GALM: variants seen among roughly 807,000 people sequenced by gnomAD.
GALM encodes aldose 1-epimerase.
In GALM, 43 loss-of-function variants were observed where a neutral mutation model predicts 37.4. That is an observed-to-expected ratio of 1.15 (90% CI 0.90 to 1.48). The LOEUF (loss-of-function observed/expected upper bound fraction) is 1.48, where lower values mean the gene tolerates loss of function less well. Ranked by LOEUF, GALM falls within the 40% of genes most tolerant of loss-of-function variation. GALM has a pLI of 0.00. For synonymous variants in GALM, 199 were observed against 170.6 expected, an observed-to-expected ratio of 1.17 and a Z score of -1.30; for missense variants, 456 against 419.1, an observed-to-expected ratio of 1.09 and a Z score of -0.77.
intron 4 of GALM, among the ~76,000 whole-genome samples, chr2:38,722,165 G>C (rs1164753048): frequency 6.6e-6 from 1 of 151,106 alleles, no homozygotes; most frequent in African/African-American, 2.4e-5. Flanking sequence ...TTCGAGACCA[G>C]CCTGGCCAAC....
intron 4 of GALM, among the ~76,000 whole-genome samples, chr2:38,712,576 C>A (rs540608002): frequency 6.6e-6 from 1 of 152,270 alleles, no homozygotes; most frequent in African/African-American, 2.4e-5. Context: ...GAACACACAT[C>A]CCAGAGGCGA....
intron 5 of GALM, among the ~76,000 whole-genome samples, chr2:38,730,712 G>C (rs1412934456): frequency 6.6e-6 from 1 of 151,964 alleles, no homozygotes; most frequent in Non-Finnish European, 1.5e-5. Context: ...CTTGAGGTCA[G>C]GAGTTTGAGA....
At chr2:38,683,106 G>C (rs922315302) in intron 3 of GALM, among the ~76,000 whole-genome samples, 1 of 152,088 alleles carries the variant, frequency 6.6e-6, no homozygotes, top group Non-Finnish European at 1.5e-5. Flanking sequence ...ATAATAGGGA[G>C]GGGAGATCTA....
chr2:38,674,708 G>T (rs1665198907), intron 1 of GALM, among the ~76,000 whole-genome samples: 1 of 152,078 alleles, frequency 6.6e-6, no homozygotes, highest in Non-Finnish European at 1.5e-5. Flanking sequence ...GAAAGAATAA[G>T]ATCGCTTCCC....
At chr2:38,719,135 C>G (rs923734093) in intron 4 of GALM, among the ~76,000 whole-genome samples, 1 of 151,964 alleles carries the variant, frequency 6.6e-6, no homozygotes, top group African/African-American at 2.4e-5. Context: ...TGCATGTTCT[C>G]TCCTGCACCT....
chr2:38,729,703 GTACTTTTCACT>G lies in GALM; in HGVS notation c.776+8_776+18del, dbSNP rs772967156. The G allele has an allele frequency of 8.3e-5, 134 of 1,609,912 alleles. 1 individual carries two copies. In the South Asian group the frequency reaches 1.3e-3, roughly 16 times the overall value. ...GAAAAGCATTTTTGTGCAAGGTCAG[GTACTTTTCACT>G]TCCTGAGTCTGTAAGGAAGAAATGA... On this transcript the variant is annotated splice_region_variant and intron_variant, in intron 5 of 6. Transcript: ENST00000272252.
At position 38,733,945 on chromosome 2, in the gene GALM, CCTT is replaced by C. The variant is rs1553386224; in HGVS notation, c.*382_*384del. The C allele has an allele frequency of 3.3e-6, 1 of 304,872 alleles. No homozygotes were observed. Among genetic ancestry groups the C allele is most frequent in the Non-Finnish European group, 6.4e-6 (1 of 155,140 alleles). 18.9% of individuals were successfully genotyped at this position (304,872 alleles called of 1,614,324 possible). A position where few individuals can be genotyped will look rare whatever the true frequency, so the allele number is the denominator to read the frequency against. On this transcript the variant is annotated 3_prime_UTR_variant, in exon 7 of 7. Coordinates refer to ENST00000272252, the MANE Select transcript of GALM (RefSeq NM_138801.3). ...TCTCACATTGCTTTTATTTCCTCCT[CCTT>C]CACCTCCAACCACTGTCAGCAGCAC... is the stretch of plus-strand genomic sequence containing the variant.
In GALM at chr2:38,731,738, G is replaced by A. The variant is rs200329326; in HGVS notation, c.780G>A (p.Val260=). ...GSKEKHFCAR[V]HHAASGRVLE... Reference sequence around the variant, plus strand: ...TGTTGTTTGTATTTCTTACCAGGGTGCATCATGCTGCAAGCGGGCGGGTAC... The same window carrying A: ...TGTTGTTTGTATTTCTTACCAGGGTACATCATGCTGCAAGCGGGCGGGTAC... The change falls in exon 6 of 7, where the codon GTG becomes GTA. Residue 260 remains valine (V), a synonymous_variant. Coordinates refer to ENST00000272252, the MANE Select transcript of GALM (RefSeq NM_138801.3). 4.6e-5 allele frequency: 74 copies of A among 1,613,154 alleles called. No homozygotes were observed. Among genetic ancestry groups the A allele is most frequent in the Admixed American group, 3.0e-4 (18 of 59,974 alleles).
chr2:38,732,911 CCT>C (rs1277275313), intron 6 of GALM, among the ~76,000 whole-genome samples: 1 of 139,698 alleles, frequency 7.2e-6, no homozygotes, highest in African/African-American at 2.8e-5. Context: ...AGAATGAGAC[CCT>C]GTCTTTAAAA....
intron 4 of GALM, among the ~76,000 whole-genome samples, chr2:38,709,901 C>A (rs1334128247): frequency 1.3e-5 from 2 of 152,198 alleles, no homozygotes; most frequent in African/African-American, 4.8e-5. Context: ...CCGCAGGCCT[C>A]CTTATGCAAA....
intron 4 of GALM, among the ~76,000 whole-genome samples, chr2:38,720,859 TGAGA>T (rs573613431): frequency 4.0e-5 from 6 of 151,436 alleles, no homozygotes; most frequent in African/African-American, 1.5e-4. Flanking sequence ...GCAAATGTCT[TGAGA>T]GAGAGAGAGA....
chr2:38,732,578 G>C (rs1293725288), intron 6 of GALM, among the ~76,000 whole-genome samples: 1 of 152,176 alleles, frequency 6.6e-6, no homozygotes, highest in Non-Finnish European at 1.5e-5. Context: ...TTTCTTTTCT[G>C]GTTGTTACCC....
chr2:38,733,367 G>C (rs975352325), intron 6 of GALM, 121 bp from the exon 7 acceptor site: 1 of 814,224 alleles, frequency 1.2e-6, no homozygotes, highest in Non-Finnish European at 2.2e-6. Context: ...ATCATAAACA[G>C]TTCCCGCACT....
chr2:38,726,400 G>T (rs979947824), intron 4 of GALM, among the ~76,000 whole-genome samples: 1 of 150,868 alleles, frequency 6.6e-6, no homozygotes, highest in African/African-American at 2.4e-5. Context: ...CTAATTTTTT[G>T]TATTTTTAGT....
rs932423802 is a variant in GALM at position 38,733,900 on chromosome 2, C to T, written c.*335C>T. 1.2e-5 allele frequency: 4 copies of T among 343,524 alleles called. No homozygotes were observed. The highest frequency in any genetic ancestry group is 2.2e-5 in the Non-Finnish European group (4 of 178,276). 21.3% of individuals were successfully genotyped at this position (343,524 alleles called of 1,614,324 possible). ...GCCTCTTTCTTTTCAACTTTTTGCC[C>T]TTCCTTTCTTTAAAGCTATTCTCAC... On this transcript the variant is annotated 3_prime_UTR_variant, in exon 7 of 7. Transcript: ENST00000272252.
chr2:38,698,498 T>A, intron 4 of GALM: 1 of 844,600 alleles, frequency 1.2e-6, no homozygotes, highest in Non-Finnish European at 1.7e-6. Flanking sequence ...TTCAGAGCAA[T>A]TATTCTTAGC....
rs1298226122 is a variant in GALM, at chr2:38,729,539, C to T, written c.635-17C>T. ...CTTGGGCATTTATCACCTTTGTTTT[C>T]TGTCTCTTCCCATCAGGAGAAGTTG... is the stretch of plus-strand genomic sequence containing the variant. On this transcript the variant is annotated splice_polypyrimidine_tract_variant and intron_variant, in intron 4 of 6. Coordinates refer to ENST00000272252, the MANE Select transcript of GALM (RefSeq NM_138801.3). The T allele has an allele frequency of 2.5e-6, 4 of 1,610,438 alleles. No homozygotes were observed. In the African/African-American group the frequency reaches 5.4e-5, roughly 22 times the overall value.
At chr2:38,731,421 A>T (rs1666608258) in intron 5 of GALM, among the ~76,000 whole-genome samples, 1 of 133,846 alleles carries the variant, frequency 7.5e-6, no homozygotes, top group Non-Finnish European at 1.6e-5. Context: ...AAAAAAAAAG[A>T]ATCTCAGCCT....
chr2:38,702,280 T>TA (rs1665935207), intron 4 of GALM, among the ~76,000 whole-genome samples: 1 of 152,180 alleles, frequency 6.6e-6, no homozygotes, highest in Non-Finnish European at 1.5e-5. Flanking sequence ...ATAAACCTCT[T>TA]AGACGGCTCT....
Sources: allele counts gnomAD v4.1 joint callset (sites outside exome capture counted in the v4.1 genomes callset), GRCh38; gene constraint gnomAD v4.1.1; transcripts MANE v1.5; gene names NCBI Gene and HGNC (gene_info 2026-07-23, HGNC 2026-07-21).